Variants in NIPBL observed in about 807,000 individuals in gnomAD.
NIPBL encodes the protein NIPBL cohesin loading factor.
NIPBL carries 19 observed loss-of-function variants against 321.8 expected under a neutral mutation model. The ratio of observed to expected loss-of-function variants is 0.06; its 90% CI spans 0.04 to 0.09. The LOEUF is 0.09. Among genes scored for constraint, NIPBL ranks in the 10% least tolerant of loss-of-function variants. NIPBL has a pLI of 1.00. For missense variants in NIPBL, 2,210 were observed against 3,327.0 expected, an observed-to-expected ratio of 0.66 and a Z score of 8.26; for synonymous variants, 1,106 against 1,114.1, an observed-to-expected ratio of 0.99 and a Z score of 0.14.
chr5:37,057,693 A>C (rs1316640627), intron 43 of NIPBL, among the ~76,000 whole-genome samples: 2 of 152,222 alleles, frequency 1.3e-5, no homozygotes, highest in African/African-American at 2.4e-5. Flanking sequence ...ATTACACATG[A>C]AAATATATAG....
intron 32 of NIPBL, among the ~76,000 whole-genome samples, chr5:37,034,044 A>G (rs192032189): frequency 4.6e-5 from 7 of 152,274 alleles, no homozygotes; most frequent in Non-Finnish European, 8.8e-5. Flanking sequence ...TCTCTCCTAC[A>G]AAACCAGTGT....
At chr5:37,025,628 C>CT (rs924776722) in intron 30 of NIPBL, among the ~76,000 whole-genome samples, 1 of 151,992 alleles carries the variant, frequency 6.6e-6, no homozygotes, top group Non-Finnish European at 1.5e-5. Flanking sequence ...TTAACAATAA[C>CT]TTATTGTACA....
intron 4 of NIPBL, among the ~76,000 whole-genome samples, chr5:36,959,352 G>T (rs1741336152): frequency 6.6e-6 from 1 of 152,136 alleles, no homozygotes. Flanking sequence ...TGTGTTGTTT[G>T]AATGGTATTT....
intron 9 of NIPBL, among the ~76,000 whole-genome samples, chr5:36,981,100 A>C (rs1029485687): frequency 1.3e-5 from 2 of 151,748 alleles, no homozygotes; most frequent in Non-Finnish European, 3.0e-5. Context: ...AATATATTCA[A>C]ACATTTGGCA....
chr5:37,051,629 C>G, intron 40 of NIPBL, 150 bp from the exon 41 acceptor site: 1 of 632,510 alleles, frequency 1.6e-6, no homozygotes, highest in Non-Finnish European at 2.8e-6. Context: ...AAAGATCTGT[C>G]ATTTTAAAAA....
At chr5:37,045,120 G>A (rs759106904) in intron 36 of NIPBL, among the ~76,000 whole-genome samples, 5 of 152,146 alleles carry the variant, frequency 3.3e-5, no homozygotes, top group Non-Finnish European at 7.3e-5. Flanking sequence ...GGGAGGCCAC[G>A]GCGGGTGGAT....
intron 45 of NIPBL, among the ~76,000 whole-genome samples, chr5:37,062,156 T>C (rs1298805958): frequency 1.3e-5 from 2 of 152,212 alleles, no homozygotes; most frequent in East Asian, 3.8e-4. Context: ...TTTTTTATTG[T>C]GGCATTTTCC....
At position 37,049,264 on chromosome 5, in the gene NIPBL, C is replaced by T; in HGVS notation, c.6917C>T (p.Ala2306Val). 2 of 1,614,088 alleles carry T rather than the reference C, an allele frequency of 1.2e-6. No homozygotes were observed. The highest frequency in any genetic ancestry group is 1.7e-6 in the Non-Finnish European group (2 of 1,179,990). The change falls in exon 40 of 47, where the codon GCA becomes GTA. Residue 2306 changes from alanine (A) to valine (V), a missense_variant. This residue lies in a region of NIPBL where 112 missense variants were observed against 288.3 expected (regional missense o/e 0.39). Transcript: ENST00000282516. Reference protein sequence around the residue: ...SVRHFALNVIALTLNQGLIHP... With the variant: ...SVRHFALNVIVLTLNQGLIHP... Reference sequence around the variant, plus strand: ...CGCCACTTTGCCCTAAATGTCATTGCATTGACTCTAAATCAAGGTCTTATT... The same window carrying T: ...CGCCACTTTGCCCTAAATGTCATTGTATTGACTCTAAATCAAGGTCTTATT...
intron 1 of NIPBL, among the ~76,000 whole-genome samples, chr5:36,899,968 AT>A (rs918382735): frequency 7.9e-5 from 12 of 152,286 alleles, no homozygotes; most frequent in Admixed American, 7.2e-4. Context: ...CTTCCTTATG[AT>A]TTAGAAAATA....
At chr5:36,977,053 C>A (rs143750073) in intron 9 of NIPBL, among the ~76,000 whole-genome samples, 1 of 151,982 alleles carries the variant, frequency 6.6e-6, no homozygotes, top group South Asian at 2.1e-4. Context: ...GCTTTCCTTG[C>A]GCTTCATAAT....
intron 1 of NIPBL, among the ~76,000 whole-genome samples, chr5:36,943,809 T>C (rs1739368619): frequency 2.0e-5 from 3 of 152,028 alleles, no homozygotes; most frequent in Non-Finnish European, 4.4e-5. Context: ...GCAGAAAAAC[T>C]AGGAGAATGT....
intron 6 of NIPBL, among the ~76,000 whole-genome samples, chr5:36,965,443 C>T (rs542011801): frequency 1.1e-4 from 17 of 152,076 alleles, no homozygotes; most frequent in Non-Finnish European, 2.4e-4. Context: ...TATATGTTCT[C>T]ACTCATATGT....
chr5:36,911,065 A>G (rs1429562276), intron 1 of NIPBL, among the ~76,000 whole-genome samples: 1 of 152,226 alleles, frequency 6.6e-6, no homozygotes, highest in Non-Finnish European at 1.5e-5. Flanking sequence ...CTAGACTAGC[A>G]TTGTATGAAT....
chr5:37,035,769 T>C (rs1362185738), intron 32 of NIPBL, among the ~76,000 whole-genome samples: 1 of 152,220 alleles, frequency 6.6e-6, no homozygotes, highest in African/African-American at 2.4e-5. Context: ...TTAGATTAGC[T>C]AGCTTTTCTT....
chr5:36,960,534 G>A (rs1385675175), intron 4 of NIPBL, among the ~76,000 whole-genome samples: 1 of 152,124 alleles, frequency 6.6e-6, no homozygotes, highest in African/African-American at 2.4e-5. Context: ...ACTTAGAGGC[G>A]ATTTTGAAAC....
At chr5:37,049,068 T>C (rs1753259205) in intron 39 of NIPBL, 43 bp from the exon 40 acceptor site, 1 of 1,587,248 alleles carries the variant, frequency 6.3e-7, no homozygotes, top group Admixed American at 1.7e-5. Flanking sequence ...AAAGTTAGTA[T>C]AGGTGCTCTT....
At chr5:37,049,016 G>T in intron 39 of NIPBL, 95 bp from the exon 40 acceptor site, 1 of 1,226,668 alleles carries the variant, frequency 8.2e-7, no homozygotes, top group Non-Finnish European at 1.2e-6. Context: ...TAGCTGTAAC[G>T]TTTTGTGATT....
At chr5:37,054,760 A>G (rs892445504) in intron 42 of NIPBL, among the ~76,000 whole-genome samples, 1 of 152,246 alleles carries the variant, frequency 6.6e-6, no homozygotes, top group African/African-American at 2.4e-5. Flanking sequence ...GATCTGCTAT[A>G]TAAACCAGGG....
chr5:36,881,687 G>T, intron 1 of NIPBL, among the ~76,000 whole-genome samples: 1 of 151,768 alleles, frequency 6.6e-6, no homozygotes, highest in Non-Finnish European at 1.5e-5. Flanking sequence ...TTATCTTTTG[G>T]GTGTTAGTTG....
Sources: gnomAD v4.1 joint callset for allele counts (sites outside exome capture counted in the v4.1 genomes callset) on GRCh38, gnomAD v4.1.1 for gene constraint, gnomAD v4.1.1 regional missense constraint, MANE v1.5 for transcripts, NCBI Gene and HGNC (gene_info 2026-07-23, HGNC 2026-07-21) for gene names.